Variants in TBL1X observed in about 807,000 individuals in gnomAD.
TBL1X encodes the protein transducin beta like 1 X-linked, also known as F-box-like/WD repeat-containing protein TBL1X.
TBL1X carries 10 observed loss-of-function variants against 50.7 expected under a neutral mutation model. The observed-to-expected ratio is 0.20, with a 90% CI of 0.12 to 0.33. TBL1X has a LOEUF of 0.33. TBL1X is among the 10% of genes least tolerant of loss of function. The pLI is 1.00. For synonymous variants in TBL1X, 190 were observed against 214.7 expected (o/e 0.88, Z 1.01); for missense variants, 340 against 504.4 (o/e 0.67, Z 3.12).
chrX:9,575,211 C>T (rs947822692), intron 2 of TBL1X, among the ~76,000 whole-genome samples: 5 of 110,909 alleles, frequency 4.5e-5, no homozygotes, highest in Non-Finnish European at 9.4e-5. Context: ...TGAGAACTCA[C>T]TCGCCATCAC....
intron 1 of TBL1X, among the ~76,000 whole-genome samples, chrX:9,500,928 G>A (rs1053777219): frequency 8.9e-6 from 1 of 112,106 alleles, no homozygotes; most frequent in Admixed American, 9.4e-5. Context: ...AATGGATGGA[G>A]AGCAGGGATA....
At chrX:9,571,816 G>A (rs145242701) in intron 2 of TBL1X, among the ~76,000 whole-genome samples, 32 of 111,967 alleles carry the variant, frequency 2.9e-4, no homozygotes, top group Admixed American at 1.9e-3. Context: ...GATACCTCCC[G>A]TAAGTGGAAT....
chrX:9,510,801 C>T (rs1413909669), intron 2 of TBL1X, among the ~76,000 whole-genome samples: 1 of 111,880 alleles, frequency 8.9e-6, no homozygotes, highest in African/African-American at 3.3e-5. Context: ...GGAATTCTAC[C>T]AGTATCCTGC....
chrX:9,607,004 C>T (rs1307277854), intron 2 of TBL1X, among the ~76,000 whole-genome samples: 1 of 112,640 alleles, frequency 8.9e-6, no homozygotes, highest in Non-Finnish European at 1.9e-5. Flanking sequence ...AGAATGTTTT[C>T]TCCAAACATT....
intron 2 of TBL1X, among the ~76,000 whole-genome samples, chrX:9,606,064 A>G (rs747637340): frequency 8.9e-6 from 1 of 112,173 alleles, no homozygotes; most frequent in East Asian, 2.8e-4. Flanking sequence ...GTCTCTCGTG[A>G]GGTTGCAGCC....
chrX:9,496,354 G>A (rs1429049076), intron 1 of TBL1X, among the ~76,000 whole-genome samples: 1 of 112,681 alleles, frequency 8.9e-6, no homozygotes, highest in East Asian at 2.8e-4. Context: ...AGTGAATATA[G>A]GGGGCTAGGA....
chrX:9,711,932 G>A (rs191915371), intron 16 of TBL1X, among the ~76,000 whole-genome samples, 156 bp downstream of exon 16: 323 of 112,425 alleles, frequency 2.9e-3, no homozygotes, highest in African/African-American at 0.01. Context: ...TGCACCCCAC[G>A]TGGGCTGTCA....
chrX:9,569,293 A>C (rs1319089152), intron 2 of TBL1X, among the ~76,000 whole-genome samples: 4 of 70,344 alleles, frequency 5.7e-5, no homozygotes, highest in Non-Finnish European at 1.0e-4. Flanking sequence ...GTATCTGTGC[A>C]ATGTGTTGTG....
rs961443667 is a variant in TBL1X at position 9,578,114 on chromosome X, C to T, written c.-130-62159C>T. Reference sequence around the variant, plus strand: ...ATCGATAAGGAAGTGGGGATGACCACGCTGCACAGAAGTGTTCTCATCACT... The same window carrying T: ...ATCGATAAGGAAGTGGGGATGACCATGCTGCACAGAAGTGTTCTCATCACT... On this transcript the variant is annotated intron_variant, in intron 2 of 17. Coordinates refer to ENST00000645353, the MANE Select transcript of TBL1X (RefSeq NM_005647.4). Among the ~76,000 whole-genome samples the T allele has an allele frequency of 1.5e-4, 17 of 112,228 alleles. No individual in the cohort carries two copies. The Admixed American group carries it at 1.6e-3, about 11-fold the overall frequency.
intron 13 of TBL1X, among the ~76,000 whole-genome samples, chrX:9,705,617 A>G (rs1271650256): frequency 9.4e-6 from 1 of 106,804 alleles, no homozygotes; most frequent in African/African-American, 3.4e-5. Context: ...GTAGCTGCGT[A>G]TGGTGATGCA....
At chrX:9,473,315 T>C (rs1401382353) in intron 1 of TBL1X, among the ~76,000 whole-genome samples, 2 of 112,405 alleles carry the variant, frequency 1.8e-5, no homozygotes, top group Non-Finnish European at 3.8e-5. Flanking sequence ...AACAGAATCT[T>C]ATCAAGCATT....
chrX:9,587,851 G>A (rs915714554), intron 2 of TBL1X, among the ~76,000 whole-genome samples: 3 of 93,831 alleles, frequency 3.2e-5, no homozygotes, highest in South Asian at 1.1e-3. Flanking sequence ...AGATGAATGC[G>A]TTTGTCTACT....
chrX:9,684,054 T>G lies in TBL1X; in HGVS notation c.223T>G (p.Ser75Ala). ...RYLQESGFSH[S>A]AFTFGIESHI... ...CCCTCTTGCCACAGGTTTTTCCCAC[T>G]CGGCTTTCACGTTTGGGATTGAGAG... The change falls in exon 6 of 18, where the codon TCG becomes GCG. Residue 75 changes from serine (S) to alanine (A), a missense_variant. Around this residue, in one of 6 missense-constraint regions of TBL1X, gnomAD observed 5 missense variants for 27.1 expected, o/e 0.18. Coordinates refer to ENST00000645353, the MANE Select transcript of TBL1X (RefSeq NM_005647.4). 1 of 1,211,610 alleles carries G rather than the reference T, an allele frequency of 8.3e-7. No individual in the cohort carries two copies. Among genetic ancestry groups the G allele is most frequent in the South Asian group, 1.8e-5 (1 of 56,979 alleles).
At chrX:9,471,684 G>A (rs893485239) in intron 1 of TBL1X, among the ~76,000 whole-genome samples, 1 of 111,810 alleles carries the variant, frequency 8.9e-6, no homozygotes, top group Admixed American at 9.5e-5. Context: ...CGGGGAGTGC[G>A]GCAGTTCTCC....
intron 5 of TBL1X, among the ~76,000 whole-genome samples, chrX:9,670,806 A>T (rs2082956283): frequency 8.9e-6 from 1 of 112,386 alleles, no homozygotes; most frequent in South Asian, 3.6e-4. Flanking sequence ...CTCTAAAAAT[A>T]TTTTTTGACT....
chrX:9,470,482 C>T (rs1364934741), intron 1 of TBL1X, among the ~76,000 whole-genome samples: 3 of 112,460 alleles, frequency 2.7e-5, no homozygotes, highest in Non-Finnish European at 5.6e-5. Flanking sequence ...TCTCAAACTC[C>T]TGACCTCAGG....
At chrX:9,631,452 C>T (rs893848249) in intron 2 of TBL1X, among the ~76,000 whole-genome samples, 6 of 112,311 alleles carry the variant, frequency 5.3e-5, no homozygotes, top group African/African-American at 9.7e-5. Flanking sequence ...GCATAAATTG[C>T]GGCTTTTTTG....
intron 6 of TBL1X, among the ~76,000 whole-genome samples, chrX:9,685,257 G>A (rs187574365): frequency 9.0e-6 from 1 of 111,706 alleles, no homozygotes; most frequent in Non-Finnish European, 1.9e-5. Context: ...GGGGAATAAT[G>A]GGATCCACAA....
chrX:9,519,365 T>C (rs1006945539), intron 2 of TBL1X, among the ~76,000 whole-genome samples: 4 of 111,452 alleles, frequency 3.6e-5, no homozygotes, highest in African/African-American at 1.3e-4. Flanking sequence ...CCCACTGCAT[T>C]GTCCCAAAGC....
Sources: allele counts gnomAD v4.1 joint callset (sites outside exome capture counted in the v4.1 genomes callset), GRCh38; gene constraint gnomAD v4.1.1; regional missense constraint gnomAD v4.1.1; transcripts MANE v1.5; gene names NCBI Gene and HGNC (gene_info 2026-07-23, HGNC 2026-07-21).